Variants in PCF11 observed in about 807,000 individuals in gnomAD.
PCF11 encodes the protein PCF11 cleavage and polyadenylation factor subunit.
PCF11 carries 19 observed loss-of-function variants against 166.1 expected under a neutral mutation model. That is an observed-to-expected ratio of 0.11 (90% CI 0.08 to 0.17). The LOEUF (loss-of-function observed/expected upper bound fraction) is 0.17. PCF11 is among the 10% of genes least tolerant of loss of function. The pLI is 1.00. For missense variants in PCF11, 1,565 were observed against 1,855.5 expected (o/e 0.84, Z 2.88); for synonymous variants, 663 against 644.1 (o/e 1.03, Z -0.44).
chr11:83,182,600 T>C, intron 14 of PCF11, 109 bp downstream of exon 14: 1 of 638,810 alleles, frequency 1.6e-6, no homozygotes, highest in Non-Finnish European at 2.8e-6. Context: ...TGATTTTTGG[T>C]CTTAATAAAA....
exon 9 of PCF11, chr11:83,171,864 A>G (rs1000336581): frequency 1.9e-6 from 3 of 1,605,624 alleles, no homozygotes; most frequent in Admixed American, 1.7e-5. Flanking sequence ...CAAGGACAAC[A>G]GTTTTTACCA....
At chr11:83,183,684 T>C (rs1861163428) in intron 15 of PCF11, among the ~76,000 whole-genome samples, 1 of 150,590 alleles carries the variant, frequency 6.6e-6, no homozygotes, top group Non-Finnish European at 1.5e-5. Flanking sequence ...GAGACAGGGT[T>C]TCACCACATT....
At chr11:83,169,236 G>T (rs764362269) in exon 8 of PCF11, 2 of 1,613,592 alleles carry the variant, frequency 1.2e-6, no homozygotes, top group Non-Finnish European at 1.7e-6. Context: ...TAGCTGGTCT[G>T]AGATTTGAGG....
At chr11:83,166,737 C>T in intron 5 of PCF11, 23 bp downstream of exon 5, 3 of 1,553,260 alleles carry the variant, frequency 1.9e-6, no homozygotes, top group Non-Finnish European at 1.7e-6. Flanking sequence ...CATTTTAAGT[C>T]AAGTGTAGTA....
exon 1 of PCF11, chr11:83,157,468 G>C (rs1175745910): frequency 5.0e-6 from 8 of 1,612,304 alleles, no homozygotes; most frequent in Non-Finnish European, 6.8e-6. Context: ...GCCGAGGCCG[G>C]TGCTGCGGGG....
exon 1 of PCF11, chr11:83,157,381 G>T: frequency 6.8e-7 from 1 of 1,471,082 alleles, no homozygotes; most frequent in Non-Finnish European, 9.4e-7. Context: ...AGGGAGGCGG[G>T]GTATCCAGAG....
At chr11:83,166,417 A>G in exon 5 of PCF11, 1 of 1,614,012 alleles carries the variant, frequency 6.2e-7, no homozygotes, top group Non-Finnish European at 8.5e-7. Flanking sequence ...AAACGAAGGC[A>G]AAGAAGTATG....
Position 83,167,316 on chromosome 11 carries a change from CTATGAT to C in PCF11, c.2001+11_2001+16del. Reference sequence around the variant, plus strand: ...AGAGAATTACTTCAAAAGGTAGTTACTATGATTAATCCCATGTAGTCATCATTATCT... The same window carrying C: ...AGAGAATTACTTCAAAAGGTAGTTACTAATCCCATGTAGTCATCATTATCT... On this transcript the variant is annotated intron_variant, in intron 6 of 15. Transcript: ENST00000298281. This position sits in a 1 kb window ranked among gnomAD's most constrained non-coding sequence, Gnocchi z 4.2. 1 of 1,609,112 alleles carries C rather than the reference CTATGAT, an allele frequency of 6.2e-7. No homozygotes were observed.
rs184230591 is a variant in PCF11 at position 83,184,029 on chromosome 11, A to G, written c.4453-650A>G. The G allele has an allele frequency of 6.8e-3, 1,033 of 151,772 alleles. 4 individuals carry two copies. The highest frequency in any genetic ancestry group is 9.4e-3 in the Non-Finnish European group (643 of 68,132). 9.4% of individuals were successfully genotyped at this position (151,772 alleles called of 1,614,324 possible). A position where few individuals can be genotyped will look rare whatever the true frequency, so the allele number is the denominator to read the frequency against. ...TAGCCAGGCATGGTGGCGGGTGCCT[A>G]TAGTTCCACCTGATTGTGAGGCTGA... On this transcript the variant is annotated intron_variant, in intron 15 of 15. Coordinates refer to ENST00000298281, the Ensembl canonical transcript of PCF11.
At chr11:83,182,316 C>T (rs1337483793) in intron 13 of PCF11, 83 bp from the exon 14 acceptor site, 6 of 735,752 alleles carry the variant, frequency 8.2e-6, no homozygotes, top group South Asian at 1.8e-5. Flanking sequence ...CTTTACTCCA[C>T]TTAACAGTGT....
At chr11:83,164,700 T>C (rs891280853) in intron 4 of PCF11, among the ~76,000 whole-genome samples, 15 of 150,650 alleles carry the variant, frequency 1.0e-4, no homozygotes, top group African/African-American at 3.4e-4. Context: ...CTGGGCAACA[T>C]AGTGAGGCCC....
intron 12 of PCF11, 87 bp from the exon 13 acceptor site, chr11:83,181,767 C>G: frequency 1.2e-6 from 1 of 851,556 alleles, no homozygotes; most frequent in South Asian, 2.2e-5. Context: ...TAGTATACCC[C>G]TACCTTTAAA....
chr11:83,161,490 A>T, intron 2 of PCF11, 38 bp downstream of exon 2: 1 of 1,442,712 alleles, frequency 6.9e-7, no homozygotes, highest in South Asian at 1.3e-5. Flanking sequence ...TTTTTTTTTA[A>T]AAAATGTGTT....
rs1456592813 is a variant in PCF11 at position 83,171,769 on chromosome 11, T to C, written c.3661-49T>C. On this transcript the variant is annotated intron_variant, in intron 8 of 15. Transcript: ENST00000298281. ...TATGTAATTAGGATGTTAAAAGTTT[T>C]ACTTGAAATATAGAAAGCATGTTCT... The C allele has an allele frequency of 9.6e-6, 9 of 941,742 alleles. No homozygotes were observed. In the East Asian group the frequency reaches 1.9e-4, roughly 20 times the overall value. The allele number at this position is 941,742 out of a possible 1,614,324, so 58.3% of individuals were successfully genotyped here. A position where few individuals can be genotyped will look rare whatever the true frequency, so the allele number is the denominator to read the frequency against.
chr11:83,168,892 G>C, exon 8 of PCF11: 1 of 1,613,618 alleles, frequency 6.2e-7, no homozygotes, highest in Non-Finnish European at 8.5e-7. Context: ...AGGTTCCCCT[G>C]GTCTGAGGTT....
Position 83,167,316 on chromosome 11 carries a change from C to A in PCF11, c.2001+8C>A. On this transcript the variant is annotated splice_region_variant and intron_variant, in intron 6 of 15. Coordinates refer to ENST00000298281, the Ensembl canonical transcript of PCF11. This position sits in a 1 kb window ranked among gnomAD's most constrained non-coding sequence, Gnocchi z 4.2. ...AGAGAATTACTTCAAAAGGTAGTTA[C>A]TATGATTAATCCCATGTAGTCATCA... is the stretch of plus-strand genomic sequence containing the variant. 1 of 1,609,112 alleles carries A rather than the reference C, an allele frequency of 6.2e-7. No homozygotes were observed. The highest frequency in any genetic ancestry group is 8.5e-7 in the Non-Finnish European group (1 of 1,176,286).
At chr11:83,181,983 C>T (rs750855988) in exon 13 of PCF11, 2 of 1,611,674 alleles carry the variant, frequency 1.2e-6, no homozygotes, top group African/African-American at 1.3e-5. Context: ...CCAAAGTGTA[C>T]CTGCTGGACC....
intron 1 of PCF11, among the ~76,000 whole-genome samples, chr11:83,159,379 CTAAT>C (rs1186311931): frequency 4.6e-5 from 7 of 152,116 alleles, no homozygotes; most frequent in South Asian, 2.1e-4. Context: ...TTTTTAAAAT[CTAAT>C]TACCTCGTAT....
rs2135425756 is a variant in PCF11 at position 83,167,731 on chromosome 11, C to T, written c.2092+226C>T. 1 of 1,476,954 alleles carries T rather than the reference C, an allele frequency of 6.8e-7. No individual in the cohort carries two copies. Among genetic ancestry groups the T allele is most frequent in the East Asian group, 2.8e-5 (1 of 35,570 alleles). The allele number at this position is 1,476,954 out of a possible 1,614,324, so 91.5% of individuals were successfully genotyped here. ...TTGTCTGGAATAGAATGTGAGCCAT[C>T]CAAAAGTAAACATGCAAGTAGGAAT... On this transcript the variant is annotated intron_variant, in intron 7 of 15. Coordinates refer to ENST00000298281, the Ensembl canonical transcript of PCF11. The surrounding 1 kb of genome is among the most constrained non-coding windows in gnomAD (Gnocchi z 4.2).
Sources: gnomAD v4.1 joint callset for allele counts (sites outside exome capture counted in the v4.1 genomes callset) on GRCh38, gnomAD v4.1.1 for gene constraint, Gnocchi (gnomAD v3.1) non-coding constraint, MANE v1.5 for transcripts, NCBI Gene and HGNC (gene_info 2026-07-23, HGNC 2026-07-21) for gene names.